Variants in NPTN observed in about 807,000 individuals in gnomAD.
The protein encoded by NPTN is neuroplastin, also known as SDR-1.
A neutral mutation model predicts 42.7 loss-of-function variants in NPTN; 5 were observed. The ratio of observed to expected loss-of-function variants is 0.12; its 90% CI spans 0.06 to 0.25. The LOEUF (loss-of-function observed/expected upper bound fraction) is 0.25, where lower values mean the gene tolerates loss of function less well. Ranked by LOEUF, NPTN falls within the 10% of genes least tolerant of loss-of-function variation. The pLI is 1.00. For missense variants in NPTN, 307 were observed against 525.4 expected, an observed-to-expected ratio of 0.58 and a Z score of 4.06; for synonymous variants, 180 against 201.9, an observed-to-expected ratio of 0.89 and a Z score of 0.92.
intron 4 of NPTN, among the ~76,000 whole-genome samples, chr15:73,579,364 G>A (rs1409648391): frequency 1.3e-5 from 2 of 152,024 alleles, no homozygotes; most frequent in African/African-American, 4.8e-5. Context: ...CTATGTTAGG[G>A]ATATAAATTT....
intron 1 of NPTN, among the ~76,000 whole-genome samples, chr15:73,604,311 C>A (rs1003137141): frequency 9.2e-5 from 14 of 152,032 alleles, no homozygotes; most frequent in Non-Finnish European, 1.8e-4. Context: ...AAAAAATTAG[C>A]CAGGTGTGGT....
chr15:73,580,547 T>C (rs1316011423), intron 4 of NPTN, among the ~76,000 whole-genome samples: 22 of 142,158 alleles, frequency 1.5e-4, no homozygotes, highest in African/African-American at 5.0e-4. Flanking sequence ...ATTTGTTATA[T>C]ATGTATATAT....
At chr15:73,616,149 C>A (rs1388321912) in intron 1 of NPTN, among the ~76,000 whole-genome samples, 1 of 152,104 alleles carries the variant, frequency 6.6e-6, no homozygotes, top group Non-Finnish European at 1.5e-5. Context: ...TATCTTAATT[C>A]TCAGTTTTAC....
At chr15:73,581,757 T>C (rs539931117) in intron 4 of NPTN, among the ~76,000 whole-genome samples, 2 of 151,682 alleles carry the variant, frequency 1.3e-5, no homozygotes, top group South Asian at 4.1e-4. Context: ...TCAGATGATA[T>C]TAAATAAAGT....
At chr15:73,623,674 G>A (rs1177097134) in intron 1 of NPTN, among the ~76,000 whole-genome samples, 1 of 152,170 alleles carries the variant, frequency 6.6e-6, no homozygotes, top group African/African-American at 2.4e-5. Flanking sequence ...GCAACAGAGT[G>A]AGACCCTGTT....
intron 1 of NPTN, among the ~76,000 whole-genome samples, chr15:73,620,753 C>T (rs984200743): frequency 1.3e-5 from 2 of 152,216 alleles, no homozygotes; most frequent in African/African-American, 4.8e-5. Flanking sequence ...CTACCAAGAG[C>T]TGTTCACCTT....
rs1321214258 is a variant in NPTN, at chr15:73,570,464, C to G, written c.841-41G>C. On this transcript the variant is annotated intron_variant, in intron 5 of 8. Coordinates refer to ENST00000345330, the MANE Select transcript of NPTN (RefSeq NM_012428.4). The surrounding 1 kb of genome is among the most constrained non-coding windows in gnomAD (Gnocchi z 4.0). ...AATACACAAAGGTGAGAGTGAGTAA[C>G]TGAGCTAATGTTCAAGAGAGGGTGA... is the stretch of plus-strand genomic sequence containing the variant. 1 of 1,581,468 alleles carries G rather than the reference C, an allele frequency of 6.3e-7. No individual in the cohort carries two copies. Among genetic ancestry groups the G allele is most frequent in the South Asian group, 1.1e-5 (1 of 87,168 alleles).
At chr15:73,606,396 T>C (rs1198507677) in intron 1 of NPTN, among the ~76,000 whole-genome samples, 9 of 152,170 alleles carry the variant, frequency 5.9e-5, no homozygotes, top group African/African-American at 9.6e-5. Context: ...ACTTCACAAA[T>C]AGTACTTAAG....
In NPTN at chr15:73,630,402, C is replaced by T. The variant is rs145817362; in HGVS notation, c.91+2723G>A. On this transcript the variant is annotated intron_variant, in intron 1 of 8. Coordinates refer to ENST00000345330, the MANE Select transcript of NPTN (RefSeq NM_012428.4). ...ATAAGGTTACTTTTTAGAACAAGTTCCTCTTTAAACTACCATTTTGATGAT... is the reference window on the plus strand; with the variant it reads ...ATAAGGTTACTTTTTAGAACAAGTTTCTCTTTAAACTACCATTTTGATGAT... 3.4e-3 allele frequency among the ~76,000 whole-genome samples: 520 copies of T among 152,262 alleles called. 4 individuals carry two copies. Among genetic ancestry groups the T allele is most frequent in the African/African-American group, 0.012 (490 of 41,558 alleles).
At chr15:73,627,888 A>T (rs1296132138) in intron 1 of NPTN, among the ~76,000 whole-genome samples, 1 of 152,190 alleles carries the variant, frequency 6.6e-6, no homozygotes, top group Admixed American at 6.5e-5. Context: ...ATTCAGTAAG[A>T]AGTTTTGTTA....
intron 3 of NPTN, among the ~76,000 whole-genome samples, chr15:73,590,829 T>C (rs546589592): frequency 6.4e-4 from 97 of 152,210 alleles, no homozygotes; most frequent in African/African-American, 2.3e-3. Context: ...AAAAAATGCT[T>C]TTCATTCCAC....
At chr15:73,592,243 G>A in intron 2 of NPTN, 106 bp from the exon 3 acceptor site, 1 of 889,144 alleles carries the variant, frequency 1.1e-6, no homozygotes, top group African/African-American at 1.7e-5. Flanking sequence ...AAAGAGGGAG[G>A]GCAGACAGGA....
intron 2 of NPTN, among the ~76,000 whole-genome samples, chr15:73,595,029 T>A (rs1458832234): frequency 4.6e-5 from 7 of 151,570 alleles, no homozygotes; most frequent in African/African-American, 1.7e-4. Flanking sequence ...GTTAACTGAC[T>A]GATGGGGAAG....
At chr15:73,616,022 T>G (rs529843849) in intron 1 of NPTN, among the ~76,000 whole-genome samples, 3 of 152,198 alleles carry the variant, frequency 2.0e-5, no homozygotes, top group Non-Finnish European at 4.4e-5. Context: ...GTAATAAAAA[T>G]TATTTTACTG....
intron 4 of NPTN, among the ~76,000 whole-genome samples, chr15:73,576,781 A>G (rs1280102027): frequency 6.6e-6 from 1 of 152,226 alleles, no homozygotes; most frequent in Non-Finnish European, 1.5e-5. Flanking sequence ...CATGGAACAG[A>G]GTTCTGTCAA....
chr15:73,626,922 CAAGAG>C (rs1374509782), intron 1 of NPTN, among the ~76,000 whole-genome samples: 4 of 152,066 alleles, frequency 2.6e-5, no homozygotes, highest in Admixed American at 1.3e-4. Context: ...TTTAATAAGG[CAAGAG>C]AAGGATATCC....
At chr15:73,604,624 G>A (rs564967345) in intron 1 of NPTN, among the ~76,000 whole-genome samples, 5 of 152,250 alleles carry the variant, frequency 3.3e-5, no homozygotes, top group African/African-American at 1.2e-4. Context: ...AGGGAAATGA[G>A]CCATGGTTTA....
intron 1 of NPTN, among the ~76,000 whole-genome samples, chr15:73,601,787 G>A (rs548950527): frequency 6.6e-6 from 1 of 152,360 alleles, no homozygotes; most frequent in South Asian, 2.1e-4. Flanking sequence ...CAGAGCAACA[G>A]TGATAAAGAG....
chr15:73,569,888 T>A lies in NPTN; in HGVS notation c.1114+262A>T. 1.1e-6 allele frequency: 1 copy of A among 879,878 alleles called. No individual in the cohort carries two copies. Among genetic ancestry groups the A allele is most frequent in the Non-Finnish European group, 1.4e-6 (1 of 734,040 alleles). 54.5% of individuals were successfully genotyped at this position (879,878 alleles called of 1,614,324 possible). Reference sequence around the variant, plus strand: ...ATGGGGCCTGAAAGGCAGATGGGACTAGGGTTTGGAAAACACCCAAACAGA... The same window carrying A: ...ATGGGGCCTGAAAGGCAGATGGGACAAGGGTTTGGAAAACACCCAAACAGA... On this transcript the variant is annotated intron_variant, in intron 6 of 8. Coordinates refer to ENST00000345330, the MANE Select transcript of NPTN (RefSeq NM_012428.4). The surrounding 1 kb of genome is among the most constrained non-coding windows in gnomAD (Gnocchi z 4.1).
Sources: gnomAD v4.1 joint callset for allele counts (sites outside exome capture counted in the v4.1 genomes callset) on GRCh38, gnomAD v4.1.1 for gene constraint, Gnocchi (gnomAD v3.1) non-coding constraint, MANE v1.5 for transcripts, NCBI Gene and HGNC (gene_info 2026-07-23, HGNC 2026-07-21) for gene names.